The following PDE1B variants were observed in gnomAD, a reference collection of about 807,000 sequenced individuals.
The protein encoded by PDE1B is phosphodiesterase 1B, also known as dual specificity calcium/calmodulin-dependent 3',5'-cyclic nucleotide phosphodiesterase 1B.
PDE1B carries 13 observed loss-of-function variants against 66.7 expected under a neutral mutation model. The observed-to-expected ratio is 0.19, with a 90% CI of 0.13 to 0.31. The LOEUF is 0.31. PDE1B is among the 10% of genes least tolerant of loss of function. The pLI is 1.00. For synonymous variants in PDE1B, 230 were observed against 253.9 expected, an observed-to-expected ratio of 0.91 and a Z score of 0.90; for missense variants, 485 against 682.3, an observed-to-expected ratio of 0.71 and a Z score of 3.22.
rs1226400290 is a variant in PDE1B, at chr12:54,577,214, C to G, written c.1508-11C>G. 6.2e-7 allele frequency: 1 copy of G among 1,609,438 alleles called. No homozygotes were observed. On this transcript the variant is annotated splice_polypyrimidine_tract_variant and intron_variant, in intron 14 of 15. Transcript: ENST00000243052. ...TGGCCTAAGCTCAGCCTCCTTTATG[C>G]TCCTCTACAGGCATCACCAACCAGA...
At position 54,564,678 on chromosome 12, in the gene PDE1B, A is replaced by G. The variant is rs1002687131; in HGVS notation, c.114-2296A>G. ...ACAAAAAAGCAGATCCCTGTCCAGC[A>G]GATCCCTGGACAGAAATACTGATTC... On this transcript the variant is annotated intron_variant, in intron 2 of 15. Coordinates refer to ENST00000243052, the MANE Select transcript of PDE1B (RefSeq NM_000924.4). Among the ~76,000 whole-genome samples the G allele has an allele frequency of 8.5e-5, 13 of 152,308 alleles. No homozygotes were observed. The East Asian group carries it at 2.1e-3, about 25-fold the overall frequency.
chr12:54,552,817 A>T (rs1957295366), intron 2 of PDE1B, among the ~76,000 whole-genome samples: 1 of 152,246 alleles, frequency 6.6e-6, no homozygotes. Flanking sequence ...GATGATTTTC[A>T]GCATCTGTAA....
intron 2 of PDE1B, among the ~76,000 whole-genome samples, chr12:54,550,416 A>G (rs145721618): frequency 2.4e-4 from 36 of 152,346 alleles, no homozygotes; most frequent in African/African-American, 8.7e-4. Context: ...GAGTGATTGC[A>G]CACAGCTGTA....
rs555328651 is a variant in PDE1B, at chr12:54,573,939, G to A, written c.1064+230G>A. On this transcript the variant is annotated intron_variant, in intron 10 of 15. Coordinates refer to ENST00000243052, the MANE Select transcript of PDE1B (RefSeq NM_000924.4). This position sits in a 1 kb window ranked among gnomAD's most constrained non-coding sequence, Gnocchi z 5.2. Reference sequence around the variant, plus strand: ...CTTACGTTTACTCACAGCCTTGGCAGCTGATCCACTGGAGAGTGCTTTGGG... The same window carrying A: ...CTTACGTTTACTCACAGCCTTGGCAACTGATCCACTGGAGAGTGCTTTGGG... 1 of 543,288 alleles carries A rather than the reference G, an allele frequency of 1.8e-6. No homozygotes were observed. Among genetic ancestry groups the A allele is most frequent in the East Asian group, 3.1e-5 (1 of 31,950 alleles). 33.7% of individuals were successfully genotyped at this position (543,288 alleles called of 1,614,324 possible). A position where few individuals can be genotyped will look rare whatever the true frequency, so the allele number is the denominator to read the frequency against.
chr12:54,572,998 T>A, intron 7 of PDE1B, 150 bp from the exon 8 acceptor site: 1 of 699,316 alleles, frequency 1.4e-6, no homozygotes, highest in East Asian at 2.6e-5. Flanking sequence ...CTTGGCCATT[T>A]CAGGAGCTGA....
rs376262595 is a variant in PDE1B at position 54,576,051 on chromosome 12, A to C, written c.1327A>C (p.Ser443Arg). 7 of 1,613,964 alleles carry C rather than the reference A, an allele frequency of 4.3e-6. No individual in the cohort carries two copies. The African/African-American group carries it at 9.3e-5, about 22-fold the overall frequency. ...TGTGCTGACTGACGTGGCAGAGAAGAGTGTTCAGCCCCTGGCGGATGAGGA... is the reference window on the plus strand; with the variant it reads ...TGTGCTGACTGACGTGGCAGAGAAGCGTGTTCAGCCCCTGGCGGATGAGGA... ...FSVLTDVAEK[S>R]VQPLADEDSK... The change falls in exon 13 of 16, where the codon AGT (serine) becomes CGT (arginine). Residue 443 changes from serine to arginine, a missense_variant. This residue lies in a region of PDE1B where 126 missense variants were observed against 133.8 expected (regional missense o/e 0.94). Transcript: ENST00000243052.
chr12:54,558,529 A>G (rs1957368728), intron 2 of PDE1B, among the ~76,000 whole-genome samples: 2 of 152,172 alleles, frequency 1.3e-5, no homozygotes, highest in Admixed American at 1.3e-4. Context: ...ATAGCAATGG[A>G]AGCCAGAAGC....
intron 2 of PDE1B, among the ~76,000 whole-genome samples, chr12:54,558,225 C>T (rs185878248): frequency 6.6e-6 from 1 of 152,086 alleles, no homozygotes; most frequent in Non-Finnish European, 1.5e-5. Context: ...CTTTCCTTTC[C>T]TCCCTGCCCC....
At chr12:54,570,419 A>T in intron 6 of PDE1B, 62 bp downstream of exon 6, 1 of 937,208 alleles carries the variant, frequency 1.1e-6, no homozygotes, top group African/African-American at 1.6e-5. Flanking sequence ...TGCCTGTTCT[A>T]AAAGCCTCCC....
At position 54,569,170 on chromosome 12, in the gene PDE1B, T is replaced by G; in HGVS notation, c.228-14T>G. ...TGCTGTCTTTCCTCTGTGACTCCCC[T>G]TCTGGGGTCTCAGGCAAATCTTGGA... On this transcript the variant is annotated splice_polypyrimidine_tract_variant and intron_variant, in intron 3 of 15. Coordinates refer to ENST00000243052, the MANE Select transcript of PDE1B (RefSeq NM_000924.4). This position sits in a 1 kb window ranked among gnomAD's most constrained non-coding sequence, Gnocchi z 4.4. The G allele has an allele frequency of 6.3e-7, 1 of 1,592,270 alleles. No homozygotes were observed. Among genetic ancestry groups the G allele is most frequent in the Non-Finnish European group, 8.6e-7 (1 of 1,166,222 alleles).
At chr12:54,570,152 GACTTTGT>G in intron 5 of PDE1B, 82 bp from the exon 6 acceptor site, 1 of 781,974 alleles carries the variant, frequency 1.3e-6, no homozygotes, top group Non-Finnish European at 2.3e-6. Context: ...TATTTACCAA[GACTTTGT>G]ACTCATGGGA....
At chr12:54,562,740 A>C (rs1272284761) in intron 2 of PDE1B, among the ~76,000 whole-genome samples, 1 of 152,136 alleles carries the variant, frequency 6.6e-6, no homozygotes, top group Non-Finnish European at 1.5e-5. Flanking sequence ...TGACTTCAGG[A>C]GGTTGCAGTT....
At chr12:54,574,993 AG>A in intron 10 of PDE1B, 104 bp from the exon 11 acceptor site, 11 of 871,044 alleles carry the variant, frequency 1.3e-5, no homozygotes, top group East Asian at 2.8e-5. Flanking sequence ...AAAAAAAAAA[AG>A]GAAGAAGTTA....
intron 2 of PDE1B, among the ~76,000 whole-genome samples, chr12:54,562,588 G>T (rs1263883083): frequency 6.6e-6 from 1 of 152,170 alleles, no homozygotes; most frequent in African/African-American, 2.4e-5. Flanking sequence ...TGATGTTGGT[G>T]GGATAGAAGG....
At chr12:54,576,395 G>A in intron 13 of PDE1B, 176 bp from the exon 14 acceptor site, 1 of 666,844 alleles carries the variant, frequency 1.5e-6, no homozygotes, top group Non-Finnish European at 2.5e-6. Context: ...GGAGAGGGAG[G>A]GGTGAAATGA....
At position 54,569,542 on chromosome 12, in the gene PDE1B, T is replaced by C. The variant is rs766829312; in HGVS notation, c.411-4T>C. On this transcript the variant is annotated splice_region_variant and splice_polypyrimidine_tract_variant and intron_variant, in intron 4 of 15. Coordinates refer to ENST00000243052, the MANE Select transcript of PDE1B (RefSeq NM_000924.4). The surrounding 1 kb of genome is among the most constrained non-coding windows in gnomAD (Gnocchi z 4.4). ...GTGGGCTTCTTCTCATTGTTCTCTC[T>C]CAGGATGTTCCGGAGAACATACACC... is the stretch of plus-strand genomic sequence containing the variant. The C allele has an allele frequency of 5.0e-6, 8 of 1,612,452 alleles. No homozygotes were observed. Among genetic ancestry groups the C allele is most frequent in the Non-Finnish European group, 6.8e-6 (8 of 1,178,612 alleles).
Position 54,575,915 on chromosome 12 carries a change from G to A in PDE1B, c.1268-77G>A. 9.1e-7 allele frequency: 1 copy of A among 1,093,984 alleles called. No homozygotes were observed. 67.8% of individuals were successfully genotyped at this position (1,093,984 alleles called of 1,614,324 possible). ...CTTTCATAAGCAGCCAGGGGTCCTG[G>A]CCATGCCAGCTGCATGCTCTGCCTA... On this transcript the variant is annotated intron_variant, in intron 12 of 15. Coordinates refer to ENST00000243052, the MANE Select transcript of PDE1B (RefSeq NM_000924.4). This position sits in a 1 kb window ranked among gnomAD's most constrained non-coding sequence, Gnocchi z 4.0.
chr12:54,571,041 A>G (rs906150299), intron 6 of PDE1B: 2 of 152,264 alleles, frequency 1.3e-5, no homozygotes, highest in Non-Finnish European at 2.9e-5. Flanking sequence ...TAATGGGGAT[A>G]TTGGGTCAGC....
In PDE1B at chr12:54,576,858, G is replaced by T. The variant is rs1445470033; in HGVS notation, c.1507+157G>T. ...GACCAGTTAGATCACAGGAAAGACT[G>T]GCTGAGTGGCCTGGAATGTTCTAAG... is the stretch of plus-strand genomic sequence containing the variant. On this transcript the variant is annotated intron_variant, in intron 14 of 15. Coordinates refer to ENST00000243052, the MANE Select transcript of PDE1B (RefSeq NM_000924.4). The T allele has an allele frequency of 8.1e-6, 6 of 739,518 alleles. No homozygotes were observed. In the African/African-American group the frequency reaches 8.8e-5, roughly 11 times the overall value. 45.8% of individuals were successfully genotyped at this position (739,518 alleles called of 1,614,324 possible).
Sources: allele counts gnomAD v4.1 joint callset (sites outside exome capture counted in the v4.1 genomes callset), GRCh38; gene constraint gnomAD v4.1.1; regional missense constraint gnomAD v4.1.1; non-coding constraint Gnocchi (gnomAD v3.1); transcripts MANE v1.5; gene names NCBI Gene and HGNC (gene_info 2026-07-23, HGNC 2026-07-21).